The following ZNF521 variants were observed in gnomAD, a reference collection of about 807,000 sequenced individuals.
The protein encoded by ZNF521 is LYST-interacting protein 3.
A neutral mutation model predicts 105.5 loss-of-function variants in ZNF521; 14 were observed. The ratio of observed to expected loss-of-function variants is 0.13; its 90% CI spans 0.09 to 0.21. ZNF521 has a LOEUF of 0.21. ZNF521 is among the 10% of genes least tolerant of loss of function. ZNF521 has a pLI of 1.00. For missense variants in ZNF521, 1,233 were observed against 1,629.7 expected (o/e 0.76, Z 4.19); for synonymous variants, 635 against 606.0 (o/e 1.05, Z -0.70).
chr18:25,209,895 G>T (rs1186359014), intron 4 of ZNF521, among the ~76,000 whole-genome samples: 1 of 151,974 alleles, frequency 6.6e-6, no homozygotes, highest in Non-Finnish European at 1.5e-5. Context: ...TTTGCTCCCT[G>T]ATTTTCATTG....
chr18:25,131,108 T>C (rs551113017), intron 5 of ZNF521, among the ~76,000 whole-genome samples: 33 of 151,956 alleles, frequency 2.2e-4, no homozygotes, highest in African/African-American at 8.0e-4. Context: ...GAAGAAAGCA[T>C]GAGAAAGAGA....
At chr18:25,205,269 T>C (rs1171231382) in intron 4 of ZNF521, among the ~76,000 whole-genome samples, 1 of 152,106 alleles carries the variant, frequency 6.6e-6, no homozygotes, top group Non-Finnish European at 1.5e-5. Flanking sequence ...TTTGAAGACA[T>C]TTATAATTCA....
chr18:25,291,251 T>C (rs1911004295), intron 3 of ZNF521, among the ~76,000 whole-genome samples: 1 of 152,258 alleles, frequency 6.6e-6, no homozygotes, highest in Non-Finnish European at 1.5e-5. Context: ...CCGTCTAAAG[T>C]AAAAACATAC....
intron 7 of ZNF521, among the ~76,000 whole-genome samples, chr18:25,072,020 A>G (rs2033237836): frequency 6.6e-6 from 1 of 152,192 alleles, no homozygotes; most frequent in Non-Finnish European, 1.5e-5. Context: ...ACTGTGTAGG[A>G]GCTGAGGCAT....
chr18:25,123,444 T>C (rs1413352666), intron 5 of ZNF521, among the ~76,000 whole-genome samples: 1 of 152,180 alleles, frequency 6.6e-6, no homozygotes, highest in African/African-American at 2.4e-5. Flanking sequence ...ATTAATGTTT[T>C]CCAAGTCAAA....
chr18:25,283,318 T>G (rs1910497701), intron 3 of ZNF521, among the ~76,000 whole-genome samples: 1 of 152,218 alleles, frequency 6.6e-6, no homozygotes, highest in African/African-American at 2.4e-5. Context: ...TCATGAGGAT[T>G]GCTGTGCTCT....
At chr18:25,345,579 A>T (rs1043957713) in intron 2 of ZNF521, among the ~76,000 whole-genome samples, 1 of 152,234 alleles carries the variant, frequency 6.6e-6, no homozygotes, top group African/African-American at 2.4e-5. Flanking sequence ...CCCTCACTTT[A>T]GGAAGATGCT....
intron 3 of ZNF521, among the ~76,000 whole-genome samples, chr18:25,273,055 T>C (rs776102285): frequency 1.7e-4 from 25 of 150,616 alleles, no homozygotes; most frequent in Non-Finnish European, 2.7e-4. Flanking sequence ...GGCAAAATCC[T>C]CTCTCTACAA....
At chr18:25,264,704 T>C (rs532181841) in intron 3 of ZNF521, among the ~76,000 whole-genome samples, 1 of 152,342 alleles carries the variant, frequency 6.6e-6, no homozygotes, top group African/African-American at 2.4e-5. Context: ...ATGTTCATTA[T>C]TTCTTTCAGT....
chr18:25,289,720 T>C (rs1435391012), intron 3 of ZNF521, among the ~76,000 whole-genome samples: 1 of 152,222 alleles, frequency 6.6e-6, no homozygotes, highest in African/African-American at 2.4e-5. Context: ...TTCAGATAGA[T>C]AGTCATTGCC....
intron 7 of ZNF521, among the ~76,000 whole-genome samples, chr18:25,063,915 TG>T (rs1375585574): frequency 6.6e-6 from 1 of 152,250 alleles, no homozygotes; most frequent in African/African-American, 2.4e-5. Flanking sequence ...CTCCCTTCTC[TG>T]ATTTCCTGCT....
chr18:25,235,152 T>C (rs1281136204), intron 3 of ZNF521, among the ~76,000 whole-genome samples: 1 of 152,170 alleles, frequency 6.6e-6, no homozygotes, highest in Non-Finnish European at 1.5e-5. Flanking sequence ...GCATTCAAAG[T>C]CCAGGAGCCA....
chr18:25,221,002 A>T (rs1905686693), intron 4 of ZNF521, among the ~76,000 whole-genome samples: 1 of 152,156 alleles, frequency 6.6e-6, no homozygotes, highest in Admixed American at 6.6e-5. Context: ...TAACCTTACC[A>T]TCCCTGGAAT....
At chr18:25,211,252 T>A (rs2036173464) in intron 4 of ZNF521, among the ~76,000 whole-genome samples, 1 of 152,236 alleles carries the variant, frequency 6.6e-6, no homozygotes, top group African/African-American at 2.4e-5. Context: ...TATCATTTTG[T>A]ATTCATTCTT....
chr18:25,147,231 AT>A (rs5823469), intron 5 of ZNF521, among the ~76,000 whole-genome samples: 144,052 of 152,174 alleles, frequency 0.95, 68,356 homozygotes, highest in Middle Eastern at 0.99. Flanking sequence ...AAAACCAGTC[AT>A]TAACAAGGGT....
intron 3 of ZNF521, among the ~76,000 whole-genome samples, chr18:25,260,465 T>C (rs1484186113): frequency 1.3e-5 from 2 of 152,112 alleles, no homozygotes. Context: ...TTAAGCAAGT[T>C]ACTTAACCTT....
intron 5 of ZNF521, among the ~76,000 whole-genome samples, chr18:25,140,632 A>G (rs2034828773): frequency 6.6e-6 from 1 of 152,216 alleles, no homozygotes; most frequent in Admixed American, 6.6e-5. Context: ...AATAATGGCT[A>G]CATTTTTCAA....
At chr18:25,089,757 T>A (rs181319582) in intron 6 of ZNF521, among the ~76,000 whole-genome samples, 177 bp from the exon 7 acceptor site, 86 of 152,216 alleles carry the variant, frequency 5.6e-4, no homozygotes, top group Non-Finnish European at 9.9e-4. Context: ...TGGCTTTTGT[T>A]AAGATGCACT....
chr18:25,217,485 G>GTCC (rs1230239424), intron 4 of ZNF521, among the ~76,000 whole-genome samples: 1 of 152,136 alleles, frequency 6.6e-6, no homozygotes, highest in Non-Finnish European at 1.5e-5. Context: ...TAAAATGATG[G>GTCC]AAGTCTGGAA....
Sources: allele counts gnomAD v4.1 joint callset (sites outside exome capture counted in the v4.1 genomes callset), GRCh38; gene constraint gnomAD v4.1.1; transcripts MANE v1.5; gene names NCBI Gene and HGNC (gene_info 2026-07-23, HGNC 2026-07-21).